The following TEP1 variants were observed in gnomAD, a reference collection of about 807,000 sequenced individuals.
The protein encoded by TEP1 is telomerase protein component 1.
TEP1 carries 241 observed loss-of-function variants against 306.3 expected under a neutral mutation model. The ratio of observed to expected loss-of-function variants is 0.79; its 90% CI spans 0.71 to 0.88. The LOEUF is 0.88. Ranked by LOEUF, TEP1 falls within the 40% of genes least tolerant of loss-of-function variation. TEP1 has a pLI of 0.00. For synonymous variants in TEP1, 1,289 were observed against 1,305.5 expected, an observed-to-expected ratio of 0.99 and a Z score of 0.27; for missense variants, 3,051 against 3,276.1, an observed-to-expected ratio of 0.93 and a Z score of 1.68.
In TEP1 at chr14:20,408,013, G is replaced by C. The variant is rs138848717; in HGVS notation, c.427C>G (p.Arg143Gly). Residue 143 changes from arginine (R) to glycine (G), a missense_variant, in exon 2 of 55, where the codon CGT becomes GGT. By Grantham distance (125) the Arg-to-Gly change is moderately radical. Transcript: ENST00000262715. Reference sequence around the variant, plus strand: ...AGCAGGCAATTGCTGTTGTTCACACGGTACAAATCAGCTTGCGTCATGTGA... The same window carrying C: ...AGCAGGCAATTGCTGTTGTTCACACCGTACAAATCAGCTTGCGTCATGTGA... ...ISHMTQADLYRVNNSNCLLSE... is the reference protein window; with the variant it reads ...ISHMTQADLYGVNNSNCLLSE... The C allele has an allele frequency of 4.3e-6, 7 of 1,614,196 alleles. No individual in the cohort carries two copies. In the East Asian group the frequency reaches 1.6e-4, roughly 36 times the overall value.
At position 20,404,680 on chromosome 14, in the gene TEP1, G is replaced by C. The variant is rs141928410; in HGVS notation, c.963C>G (p.His321Gln). 59 of 1,614,214 alleles carry C rather than the reference G, an allele frequency of 3.7e-5. No homozygotes were observed. In the African/African-American group the frequency reaches 7.2e-4, roughly 20 times the overall value. The change falls in exon 5 of 55, where the codon CAC becomes CAG. Residue 321 changes from histidine to glutamine, a missense_variant. His to Gln is a conservative substitution (Grantham distance 24, BLOSUM62 0). Transcript: ENST00000262715. ...IAAFLPACRPHLRRYFCAIVQ... is the reference protein window; with the variant it reads ...IAAFLPACRPQLRRYFCAIVQ... ...CAATGGCACAGAAATATCGTCGCAG[G>C]TGGGGGCGACACGCCGGCAAGAAAG...
chr14:20,403,935 C>T, intron 5 of TEP1, 51 bp from the exon 6 acceptor site: 1 of 1,610,982 alleles, frequency 6.2e-7, no homozygotes, highest in Non-Finnish European at 8.5e-7. Flanking sequence ...AACCAACCCT[C>T]CAAAACAAAA....
intron 43 of TEP1, 112 bp downstream of exon 43, chr14:20,375,643 A>C (rs1195372462): frequency 1.5e-6 from 1 of 659,078 alleles, no homozygotes; most frequent in Non-Finnish European, 2.7e-6. Flanking sequence ...AAGTTTGACA[A>C]ATATTAGCTA....
chr14:20,370,866 A>G (rs1316558839), intron 51 of TEP1, among the ~76,000 whole-genome samples: 1 of 152,256 alleles, frequency 6.6e-6, no homozygotes, highest in Non-Finnish European at 1.5e-5. Flanking sequence ...ACATCTATTA[A>G]GTAACTGCTA....
intron 1 of TEP1, among the ~76,000 whole-genome samples, chr14:20,409,167 T>A (rs1879437234): frequency 6.6e-6 from 1 of 152,206 alleles, no homozygotes; most frequent in Non-Finnish European, 1.5e-5. Context: ...TATCTTGGCC[T>A]TTATCTTATT....
chr14:20,378,983 A>G lies in TEP1; in HGVS notation c.5250T>C (p.Cys1750=). The part of the protein sequence containing the change: ...LLELWDLQHG[C]RVLQTKAHQY... ...GACAAATGGGGAGGACCCCTTACCG[A>G]CAACCATGCTGCAGGTCCCAGAGCT... is the stretch of plus-strand genomic sequence containing the variant. The change falls in exon 36 of 55, where the codon TGT becomes TGC. Residue 1750 remains cysteine (C), a splice_region_variant and synonymous_variant. Transcript: ENST00000262715. The G allele has an allele frequency of 6.2e-7, 1 of 1,614,176 alleles. No individual in the cohort carries two copies. Among genetic ancestry groups the G allele is most frequent in the Non-Finnish European group, 8.5e-7 (1 of 1,180,024 alleles).
intron 7 of TEP1, 93 bp from the exon 8 acceptor site, chr14:20,401,674 C>A: frequency 6.6e-7 from 1 of 1,520,180 alleles, no homozygotes; most frequent in Admixed American, 2.0e-5. Flanking sequence ...CATCCGATCC[C>A]TATGTGGTAA....
At chr14:20,387,034 A>G (rs1363368831) in intron 18 of TEP1, among the ~76,000 whole-genome samples, 3 of 151,322 alleles carry the variant, frequency 2.0e-5, no homozygotes, top group Non-Finnish European at 4.4e-5. Context: ...TCCAGGGTTC[A>G]AGCAATTCTC....
At chr14:20,368,762 A>G (rs1594314336) in intron 54 of TEP1, 36 bp downstream of exon 54, 1 of 1,448,306 alleles carries the variant, frequency 6.9e-7, no homozygotes, top group South Asian at 1.2e-5. Context: ...GTGCAGGCGC[A>G]CGCACACACA....
In TEP1 at chr14:20,369,834, A is replaced by G. The variant is rs1884720282; in HGVS notation, c.7318-55T>C. On this transcript the variant is annotated intron_variant, in intron 51 of 54. Coordinates refer to ENST00000262715, the MANE Select transcript of TEP1 (RefSeq NM_007110.5). Reference sequence around the variant, plus strand: ...CTACCCATATGAGTCAACTTGTACCAGACAAAACAACAGTTTTCTGCTCTG... The same window carrying G: ...CTACCCATATGAGTCAACTTGTACCGGACAAAACAACAGTTTTCTGCTCTG... 3 of 1,418,096 alleles carry G rather than the reference A, an allele frequency of 2.1e-6. No homozygotes were observed. In the Admixed American group the frequency reaches 5.2e-5, roughly 24 times the overall value. The allele number at this position is 1,418,096 out of a possible 1,614,324, so 87.8% of individuals were successfully genotyped here. A position where few individuals can be genotyped will look rare whatever the true frequency, so the allele number is the denominator to read the frequency against.
chr14:20,387,398 A>T (rs905953268), intron 18 of TEP1, among the ~76,000 whole-genome samples: 2 of 151,024 alleles, frequency 1.3e-5, no homozygotes, highest in African/African-American at 4.9e-5. Context: ...AATCCAAAAA[A>T]AAAATTAGCC....
intron 4 of TEP1, 29 bp from the exon 5 acceptor site, chr14:20,404,801 C>A (rs776842716): frequency 1.3e-6 from 2 of 1,574,158 alleles, no homozygotes; most frequent in Non-Finnish European, 1.7e-6. Context: ...GGACTAGAAT[C>A]TCAGTCACTC....
At chr14:20,404,148 C>A (rs371744900) in intron 5 of TEP1, among the ~76,000 whole-genome samples, 1 of 152,124 alleles carries the variant, frequency 6.6e-6, no homozygotes, top group Admixed American at 6.5e-5. Flanking sequence ...TGAGGTCAGG[C>A]GTTCAAGACC....
Position 20,379,005 on chromosome 14 carries a change from A to G in TEP1, c.5228T>C (p.Leu1743Pro). Reference sequence around the variant, plus strand: ...CCGACAACCATGCTGCAGGTCCCAGAGCTCCAGGAGCCCGTCGAAGGCAGT... The same window carrying G: ...CCGACAACCATGCTGCAGGTCCCAGGGCTCCAGGAGCCCGTCGAAGGCAGT... Reference protein sequence around the residue: ...FLTAFDGLLELWDLQHGCRVL... With the variant: ...FLTAFDGLLEPWDLQHGCRVL... Residue 1743 changes from leucine (L) to proline (P), a missense_variant, in exon 36 of 55, where the codon CTC (leucine) becomes CCC (proline). Transcript: ENST00000262715. 7 of 1,614,270 alleles carry G rather than the reference A, an allele frequency of 4.3e-6. No individual in the cohort carries two copies. The highest frequency in any genetic ancestry group is 1.3e-5 in the African/African-American group (1 of 75,070).
chr14:20,399,764 A>G (rs146667495), intron 9 of TEP1, among the ~76,000 whole-genome samples: 146 of 152,236 alleles, frequency 9.6e-4, no homozygotes, highest in African/African-American at 3.4e-3. Context: ...CATTTGCCTC[A>G]ACCAGGATAA....
rs1885104497 is a variant in TEP1, at chr14:20,375,213, C to T, written c.6363+542G>A. Among the ~76,000 whole-genome samples, 4 of 151,932 alleles carry T rather than the reference C, an allele frequency of 2.6e-5. No individual in the cohort carries two copies. The South Asian group carries it at 8.3e-4, about 32-fold the overall frequency. On this transcript the variant is annotated intron_variant, in intron 43 of 54. Coordinates refer to ENST00000262715, the MANE Select transcript of TEP1 (RefSeq NM_007110.5). ...TTGAGATGGAGTTTCACTCTTGTTG[C>T]CCAGGCTGGAGTGCAATGGCGCGAC...
intron 9 of TEP1, among the ~76,000 whole-genome samples, chr14:20,400,465 A>G (rs957920164): frequency 4.7e-5 from 7 of 149,530 alleles, no homozygotes; most frequent in African/African-American, 1.7e-4. Context: ...GTAAAAAACG[A>G]AAGAAAGAGC....
Position 20,386,215 on chromosome 14 carries a change from G to A in TEP1, c.2862-20C>T, listed in dbSNP as rs1877130298. On this transcript the variant is annotated intron_variant, in intron 19 of 54. Transcript: ENST00000262715. ...AGTTGTCTGTAGGCATGATGATAGG[G>A]ACGTGTGGGAGTCACTGGGGGCATG... is the stretch of plus-strand genomic sequence containing the variant. 6.2e-7 allele frequency: 1 copy of A among 1,613,826 alleles called. No individual in the cohort carries two copies.
chr14:20,410,052 A>T (rs12891617), intron 1 of TEP1, among the ~76,000 whole-genome samples: 7,812 of 134,254 alleles, frequency 0.058, 436 homozygotes, highest in Admixed American at 0.11. Context: ...AAAAAAAAAA[A>T]AAAATGCCTA....
Sources: gnomAD v4.1 joint callset for allele counts (sites outside exome capture counted in the v4.1 genomes callset) on GRCh38, gnomAD v4.1.1 for gene constraint, MANE v1.5 for transcripts, NCBI Gene and HGNC (gene_info 2026-07-23, HGNC 2026-07-21) for gene names.